Variants in PIAS2 observed in about 807,000 individuals in gnomAD.
PIAS2 encodes the protein protein inhibitor of activated STAT 2.
PIAS2 carries 19 observed loss-of-function variants against 69.7 expected under a neutral mutation model. That is an observed-to-expected ratio of 0.27 (90% CI 0.19 to 0.40). The LOEUF is 0.40. PIAS2 is among the 10% of genes least tolerant of loss of function. The pLI, the probability that PIAS2 is intolerant of heterozygous loss-of-function variation, is 1.00. For synonymous variants in PIAS2, 261 were observed against 263.2 expected, an observed-to-expected ratio of 0.99 and a Z score of 0.08; for missense variants, 624 against 757.0, an observed-to-expected ratio of 0.82 and a Z score of 2.06.
intron 1 of PIAS2, among the ~76,000 whole-genome samples, chr18:46,902,497 T>G (rs2056023977): frequency 6.6e-6 from 1 of 151,840 alleles, no homozygotes; most frequent in Non-Finnish European, 1.5e-5. Flanking sequence ...GAGGCACAGG[T>G]TGCAGCGAGC....
chr18:46,891,742 A>G (rs1319798773), intron 1 of PIAS2: 3 of 454,408 alleles, frequency 6.6e-6, no homozygotes, highest in Non-Finnish European at 8.7e-6. Context: ...AGCAGTCATC[A>G]ATCTTAAAGG....
At chr18:46,846,869 T>G in intron 5 of PIAS2, 28 bp from the exon 6 acceptor site, 1 of 1,529,352 alleles carries the variant, frequency 6.5e-7, no homozygotes, top group Non-Finnish European at 8.8e-7. Flanking sequence ...AAAAATTATT[T>G]CAAATCATCT....
chr18:46,862,975 G>C (rs1305310554), intron 3 of PIAS2, among the ~76,000 whole-genome samples: 1 of 151,970 alleles, frequency 6.6e-6, no homozygotes, highest in Non-Finnish European at 1.5e-5. Flanking sequence ...CAAAGTGCTG[G>C]GATTACAAGC....
chr18:46,848,527 T>C (rs899078234), intron 5 of PIAS2, among the ~76,000 whole-genome samples: 7 of 152,140 alleles, frequency 4.6e-5, no homozygotes, highest in Admixed American at 2.6e-4. Context: ...TGAAAACTAG[T>C]ACTGGTAGTA....
intron 9 of PIAS2, among the ~76,000 whole-genome samples, chr18:46,832,686 T>C (rs2043824231): frequency 6.7e-6 from 1 of 148,870 alleles, no homozygotes; most frequent in Non-Finnish European, 1.5e-5. Flanking sequence ...AGGTCAGGAG[T>C]TGGAGACCAG....
rs1568488281 is a variant in PIAS2 at position 46,846,850 on chromosome 18, G to GT, written c.727-10dup. 2 of 1,538,882 alleles carry GT rather than the reference G, an allele frequency of 1.3e-6. No homozygotes were observed. The highest frequency in any genetic ancestry group is 8.7e-7 in the Non-Finnish European group (1 of 1,145,496). On this transcript the variant is annotated splice_polypyrimidine_tract_variant and intron_variant, in intron 5 of 13. Transcript: ENST00000585916. Reference sequence around the variant, plus strand: ...GGCGGTGGTGCATAGCCCTATAACCGTAAGAAAGAAAAATTATTTCAAATC... The same window carrying GT: ...GGCGGTGGTGCATAGCCCTATAACCGTTAAGAAAGAAAAATTATTTCAAATC...
At chr18:46,864,734 C>G (rs1317236217) in intron 2 of PIAS2, among the ~76,000 whole-genome samples, 3 of 149,032 alleles carry the variant, frequency 2.0e-5, no homozygotes, top group African/African-American at 7.4e-5. Flanking sequence ...TGCACCATTG[C>G]ACTCCAGCCT....
At chr18:46,881,379 A>G (rs901743313) in intron 2 of PIAS2, among the ~76,000 whole-genome samples, 1 of 152,098 alleles carries the variant, frequency 6.6e-6, no homozygotes, top group South Asian at 2.1e-4. Context: ...ACTTTGGTGT[A>G]TGTAATGGGA....
intron 1 of PIAS2, among the ~76,000 whole-genome samples, chr18:46,893,837 C>T (rs925543366): frequency 6.6e-6 from 1 of 152,056 alleles, no homozygotes; most frequent in African/African-American, 2.4e-5. Flanking sequence ...AAAAAAATCC[C>T]TCTCCTTGGC....
chr18:46,846,729 G>T lies in PIAS2; in HGVS notation c.839C>A (p.Ser280Tyr), dbSNP rs763194678. The T allele has an allele frequency of 6.2e-7, 1 of 1,611,650 alleles. No individual in the cohort carries two copies. Among genetic ancestry groups the T allele is most frequent in the Non-Finnish European group, 8.5e-7 (1 of 1,178,864 alleles). The change falls in exon 6 of 14, where the codon TCT (serine) becomes TAT (tyrosine). Residue 280 changes from serine to tyrosine, a missense_variant. Ser to Tyr is a moderately radical substitution (Grantham distance 144, BLOSUM62 -2). Around this residue, in one of 3 missense-constraint regions of PIAS2, gnomAD observed 339 missense variants for 408.8 expected, o/e 0.83. Coordinates refer to ENST00000585916, the MANE Select transcript of PIAS2 (RefSeq NM_004671.5). ...SSAVPNQISI[S>Y]WASEIGKNYS... ...TACCTTCCCAATTTCTGATGCCCAA[G>T]AAATGGAAATTTGGTTTGGCACAGC...
Position 46,833,959 on chromosome 18 carries a change from CAT to C in PIAS2, c.1202+2396_1202+2397del, listed in dbSNP as rs1186731940. On this transcript the variant is annotated intron_variant, in intron 9 of 13. Coordinates refer to ENST00000585916, the MANE Select transcript of PIAS2 (RefSeq NM_004671.5). ...ATTCCCTACTGTAAAGTTCCTTCCT[CAT>C]CCCCAATTTTCCTCCCACAGTGTCA... 3.9e-5 allele frequency among the ~76,000 whole-genome samples: 6 copies of C among 152,252 alleles called. No individual in the cohort carries two copies. The East Asian group carries it at 1.2e-3, about 29-fold the overall frequency.
chr18:46,910,818 C>G (rs190091488), intron 1 of PIAS2, among the ~76,000 whole-genome samples: 5 of 152,274 alleles, frequency 3.3e-5, no homozygotes, highest in Non-Finnish European at 5.9e-5. Flanking sequence ...TTTCAAAATT[C>G]TGAGGAATTT....
chr18:46,908,761 C>G (rs955599315), intron 1 of PIAS2, among the ~76,000 whole-genome samples: 4 of 152,184 alleles, frequency 2.6e-5, no homozygotes, highest in African/African-American at 9.7e-5. Flanking sequence ...ATAATCCCAG[C>G]ACTTTGGGAG....
At chr18:46,871,260 G>GTT (rs2050318929) in intron 2 of PIAS2, among the ~76,000 whole-genome samples, 1 of 152,120 alleles carries the variant, frequency 6.6e-6, no homozygotes, top group South Asian at 2.1e-4. Context: ...GAAAAATTAC[G>GTT]TTACCCACCT....
chr18:46,904,940 A>C (rs1480480737), intron 1 of PIAS2, among the ~76,000 whole-genome samples: 1 of 152,174 alleles, frequency 6.6e-6, no homozygotes, highest in Admixed American at 6.5e-5. Flanking sequence ...ACAAAGAAAA[A>C]TGAAAAACGA....
chr18:46,871,756 G>A (rs72911116), intron 2 of PIAS2, among the ~76,000 whole-genome samples: 1,681 of 152,252 alleles, frequency 0.011, 17 homozygotes, highest in Non-Finnish European at 0.017. Flanking sequence ...AAGAATCTTA[G>A]AAGACACAGA....
intron 5 of PIAS2, among the ~76,000 whole-genome samples, chr18:46,851,322 T>C (rs2038054203): frequency 6.6e-6 from 1 of 152,228 alleles, no homozygotes; most frequent in African/African-American, 2.4e-5. Flanking sequence ...TTAAAAGAAA[T>C]ATTCTTGTCA....
At chr18:46,891,240 G>C (rs1381211823) in intron 1 of PIAS2, 186 bp from the exon 2 acceptor site, 5 of 686,820 alleles carry the variant, frequency 7.3e-6, no homozygotes, top group Non-Finnish European at 1.3e-5. Flanking sequence ...TTACATTCAA[G>C]TTACGGTGTT....
chr18:46,830,822 TACC>T (rs1195578675), intron 9 of PIAS2, among the ~76,000 whole-genome samples: 1 of 152,174 alleles, frequency 6.6e-6, no homozygotes, highest in Non-Finnish European at 1.5e-5. Flanking sequence ...GGAGAAATAA[TACC>T]ACTACTTCCA....
Sources: gnomAD v4.1 joint callset for allele counts (sites outside exome capture counted in the v4.1 genomes callset) on GRCh38, gnomAD v4.1.1 for gene constraint, gnomAD v4.1.1 regional missense constraint, MANE v1.5 for transcripts, NCBI Gene and HGNC (gene_info 2026-07-23, HGNC 2026-07-21) for gene names.